RARB: variants seen among roughly 807,000 people sequenced by gnomAD.
The protein encoded by RARB is HBV-activated protein.
RARB carries 17 observed loss-of-function variants against 51.9 expected under a neutral mutation model. The ratio of observed to expected loss-of-function variants is 0.33; its 90% CI spans 0.22 to 0.49. The LOEUF (loss-of-function observed/expected upper bound fraction) is 0.49, where lower values mean the gene tolerates loss of function less well. Ranked by LOEUF, RARB falls within the 20% of genes least tolerant of loss-of-function variation. The pLI is 0.99. For missense variants in RARB, 369 were observed against 550.8 expected, an observed-to-expected ratio of 0.67 and a Z score of 3.30; for synonymous variants, 215 against 195.4, an observed-to-expected ratio of 1.10 and a Z score of -0.84.
chr3:25,535,960 G>A (rs998343764), intron 3 of RARB, among the ~76,000 whole-genome samples: 10 of 152,226 alleles, frequency 6.6e-5, no homozygotes, highest in African/African-American at 2.4e-4. Flanking sequence ...TCCATCGTAG[G>A]TCAAGGAAAA....
chr3:25,119,672 A>G (rs760667353), intron 3 of RARB, among the ~76,000 whole-genome samples: 1 of 151,400 alleles, frequency 6.6e-6, no homozygotes, highest in Non-Finnish European at 1.5e-5. Flanking sequence ...AAAAAAAACA[A>G]CAACAAAAAA....
intron 5 of RARB, among the ~76,000 whole-genome samples, chr3:25,314,347 A>G (rs1017810619): frequency 6.6e-6 from 1 of 152,142 alleles, no homozygotes; most frequent in African/African-American, 2.4e-5. Flanking sequence ...CTTTTTTATT[A>G]TTGACAATTT....
intron 5 of RARB, among the ~76,000 whole-genome samples, chr3:25,345,365 A>T (rs920171233): frequency 1.3e-5 from 2 of 152,132 alleles, no homozygotes; most frequent in African/African-American, 4.8e-5. Context: ...AAATAGAGTT[A>T]AACTATAAGC....
chr3:25,251,823 T>A lies in RARB; in HGVS notation c.178+77248T>A, dbSNP rs145787858. ...TCATCTTTTGGGTTGTCTTTTTGTT[T>A]TCTTGGTGATGTCATTTGAAGTACA... On this transcript the variant is annotated intron_variant, in intron 5 of 11. Coordinates refer to the RARB transcript ENST00000383772. 1.3e-3 allele frequency among the ~76,000 whole-genome samples: 192 copies of A among 152,302 alleles called. 1 individual carries two copies. The highest frequency in any genetic ancestry group is 4.4e-3 in the African/African-American group (183 of 41,578).
intron 2 of RARB, among the ~76,000 whole-genome samples, chr3:24,896,483 T>A (rs933843478): frequency 2.0e-5 from 3 of 151,990 alleles, no homozygotes; most frequent in Admixed American, 6.6e-5. Flanking sequence ...ATGGTCTCGA[T>A]CTCCTGACCT....
chr3:25,198,361 G>T (rs899091994), intron 5 of RARB, among the ~76,000 whole-genome samples: 1 of 151,920 alleles, frequency 6.6e-6, no homozygotes, highest in Admixed American at 6.6e-5. Flanking sequence ...AAATTGATCT[G>T]GGCAAAGATA....
chr3:25,107,738 G>T (rs771711912), intron 3 of RARB, among the ~76,000 whole-genome samples: 1 of 152,192 alleles, frequency 6.6e-6, no homozygotes, highest in Non-Finnish European at 1.5e-5. Context: ...ATAATATGCT[G>T]TAATAAAATG....
chr3:24,934,511 T>C (rs1216449156), intron 2 of RARB, among the ~76,000 whole-genome samples: 1 of 152,182 alleles, frequency 6.6e-6, no homozygotes, highest in Non-Finnish European at 1.5e-5. Flanking sequence ...GGTCTTGTTC[T>C]ATAAATTATA....
At chr3:24,962,498 A>T (rs958026903) in intron 2 of RARB, among the ~76,000 whole-genome samples, 17 of 152,188 alleles carry the variant, frequency 1.1e-4, no homozygotes, top group African/African-American at 3.9e-4. Flanking sequence ...GAGGTCCCCA[A>T]TCCCCGGGCC....
intron 2 of RARB, among the ~76,000 whole-genome samples, chr3:24,884,619 C>A (rs1463421380): frequency 6.6e-6 from 1 of 152,044 alleles, no homozygotes; most frequent in Non-Finnish European, 1.5e-5. Flanking sequence ...TGCATTGTTT[C>A]TTACTTCATA....
chr3:25,194,929 T>C (rs1362756057), intron 5 of RARB, among the ~76,000 whole-genome samples: 5 of 151,976 alleles, frequency 3.3e-5, no homozygotes, highest in Admixed American at 6.6e-5. Flanking sequence ...TGAAAGAGTA[T>C]GGTGGAAAAG....
chr3:25,403,946 C>A (rs1471082081), intron 5 of RARB, among the ~76,000 whole-genome samples: 3 of 144,980 alleles, frequency 2.1e-5, no homozygotes, highest in East Asian at 4.0e-4. Context: ...TAGTTATAGG[C>A]CAAAGCTTCC....
chr3:24,985,950 T>C (rs1050184946), intron 2 of RARB, among the ~76,000 whole-genome samples: 4 of 152,220 alleles, frequency 2.6e-5, no homozygotes, highest in African/African-American at 9.6e-5. Context: ...AACAGAGACT[T>C]AGCGCTCATC....
intron 2 of RARB, among the ~76,000 whole-genome samples, chr3:24,862,226 T>G (rs545693788): frequency 6.6e-6 from 1 of 152,312 alleles, no homozygotes; most frequent in Non-Finnish European, 1.5e-5. Context: ...TTGTTATAGA[T>G]TCATACTCAA....
intron 5 of RARB, among the ~76,000 whole-genome samples, chr3:25,389,307 T>A (rs886308569): frequency 6.6e-6 from 1 of 152,184 alleles, no homozygotes; most frequent in Admixed American, 6.5e-5. Context: ...TTAGTGTACA[T>A]TGCTGTGGGT....
intron 5 of RARB, among the ~76,000 whole-genome samples, chr3:25,391,087 A>T (rs1215712230): frequency 6.6e-6 from 1 of 152,102 alleles, no homozygotes; most frequent in Non-Finnish European, 1.5e-5. Context: ...TTATTGTATC[A>T]TTCTTATGCC....
chr3:25,444,814 T>A (rs1006094265), intron 1 of RARB, among the ~76,000 whole-genome samples: 2 of 152,160 alleles, frequency 1.3e-5, no homozygotes, highest in African/African-American at 4.8e-5. Flanking sequence ...CCGGTAGATG[T>A]GTGAGTCAGT....
chr3:25,538,440 T>C (rs1183225190), intron 3 of RARB, among the ~76,000 whole-genome samples: 1 of 152,218 alleles, frequency 6.6e-6, no homozygotes, highest in East Asian at 1.9e-4. Flanking sequence ...ATTTTTAAAA[T>C]GTATTAAGAT....
intron 2 of RARB, among the ~76,000 whole-genome samples, chr3:24,970,664 G>A (rs1164572548): frequency 1.3e-5 from 2 of 151,510 alleles, no homozygotes; most frequent in African/African-American, 4.8e-5. Flanking sequence ...TTAGTACTTG[G>A]AGAAGACCTA....
Sources: gnomAD v4.1 joint callset for allele counts (sites outside exome capture counted in the v4.1 genomes callset) on GRCh38, gnomAD v4.1.1 for gene constraint, MANE v1.5 for transcripts, NCBI Gene and HGNC (gene_info 2026-07-23, HGNC 2026-07-21) for gene names.